The following DEPTOR variants were observed in gnomAD, a reference collection of about 807,000 sequenced individuals.
DEPTOR encodes DEP domain containing MTOR interacting protein, also known as DEP domain-containing mTOR-interacting protein.
In DEPTOR, 41 loss-of-function variants were observed where a neutral mutation model predicts 41.6. That is an observed-to-expected ratio of 0.98 (90% CI 0.77 to 1.28). The LOEUF is 1.28. DEPTOR is among the 50% of genes most tolerant of loss of function. The pLI is 0.00. For synonymous variants in DEPTOR, 195 were observed against 192.3 expected, an observed-to-expected ratio of 1.01 and a Z score of -0.12; for missense variants, 514 against 527.9, an observed-to-expected ratio of 0.97 and a Z score of 0.26.
chr8:120,042,180 G>T (rs1239541160), intron 8 of DEPTOR, among the ~76,000 whole-genome samples: 2 of 152,034 alleles, frequency 1.3e-5, no homozygotes, highest in African/African-American at 2.4e-5. Context: ...TCAAGTAGAA[G>T]GTAATAAGTT....
chr8:120,029,685 C>T lies in DEPTOR; in HGVS notation c.1102-19891C>T, dbSNP rs1345081710. Among the ~76,000 whole-genome samples the T allele has an allele frequency of 9.2e-5, 14 of 152,204 alleles. No individual in the cohort carries two copies. The South Asian group carries it at 1.2e-3, about 14-fold the overall frequency. On this transcript the variant is annotated intron_variant, in intron 8 of 8. Transcript: ENST00000286234. ...TGCTGGGATTACAGGCGTGAGCCACCGCACCCAGCCAAGTTTTAAAATATG... is the reference window on the plus strand; with the variant it reads ...TGCTGGGATTACAGGCGTGAGCCACTGCACCCAGCCAAGTTTTAAAATATG...
chr8:119,934,940 C>T (rs112352284), intron 3 of DEPTOR, among the ~76,000 whole-genome samples: 2,315 of 152,180 alleles, frequency 0.015, 62 homozygotes, highest in African/African-American at 0.053. Context: ...GGACAGGGCC[C>T]GCATCAGATA....
At chr8:119,943,426 T>G (rs1828229366) in intron 3 of DEPTOR, among the ~76,000 whole-genome samples, 1 of 152,058 alleles carries the variant, frequency 6.6e-6, no homozygotes. Flanking sequence ...AGAGAGATAG[T>G]AGGAGGAACT....
intron 8 of DEPTOR, among the ~76,000 whole-genome samples, chr8:120,023,934 C>CT (rs1812760751): frequency 6.6e-6 from 1 of 151,874 alleles, no homozygotes; most frequent in African/African-American, 2.4e-5. Context: ...GGGCACTGTC[C>CT]TTTTTTAAAA....
intron 4 of DEPTOR, among the ~76,000 whole-genome samples, chr8:119,998,740 T>A (rs990211287): frequency 2.6e-5 from 4 of 152,164 alleles, no homozygotes; most frequent in African/African-American, 9.7e-5. Context: ...CTAATAGTCA[T>A]ACATGAGCAG....
intron 4 of DEPTOR, among the ~76,000 whole-genome samples, chr8:119,992,498 A>G (rs1031207879): frequency 6.6e-6 from 1 of 152,124 alleles, no homozygotes; most frequent in East Asian, 1.9e-4. Context: ...TCCAGGGCAC[A>G]GTTGATGTCT....
At chr8:119,986,228 G>A (rs932268624) in intron 4 of DEPTOR, among the ~76,000 whole-genome samples, 1 of 152,066 alleles carries the variant, frequency 6.6e-6, no homozygotes, top group Non-Finnish European at 1.5e-5. Context: ...GCCTGGTGGT[G>A]ACAAAATCTC....
intron 3 of DEPTOR, among the ~76,000 whole-genome samples, chr8:119,950,980 G>A (rs1828344874): frequency 6.6e-6 from 1 of 152,072 alleles, no homozygotes. Context: ...GGCCAAGGTG[G>A]TAGGATTGCT....
At chr8:120,028,161 CT>C (rs1215582417) in intron 8 of DEPTOR, among the ~76,000 whole-genome samples, 4 of 150,572 alleles carry the variant, frequency 2.7e-5, no homozygotes, top group Non-Finnish European at 4.4e-5. Context: ...CTTTTTTTTT[CT>C]TTTTTTTCCT....
At chr8:119,974,697 A>T (rs1258477722) in intron 4 of DEPTOR, among the ~76,000 whole-genome samples, 1 of 152,030 alleles carries the variant, frequency 6.6e-6, no homozygotes. Flanking sequence ...GCTTGAGCTC[A>T]GCAGGCAGAG....
chr8:120,029,708 A>G (rs774280922), intron 8 of DEPTOR, among the ~76,000 whole-genome samples: 4 of 152,088 alleles, frequency 2.6e-5, no homozygotes, highest in Non-Finnish European at 5.9e-5. Flanking sequence ...GTTTTAAAAT[A>G]TGGATTTTTT....
chr8:120,042,611 C>A (rs1372869323), intron 8 of DEPTOR, among the ~76,000 whole-genome samples: 1 of 152,102 alleles, frequency 6.6e-6, no homozygotes, highest in Non-Finnish European at 1.5e-5. Flanking sequence ...TTCCGCCTCC[C>A]AGGTTCAAGC....
At chr8:120,043,599 T>C (rs1005457977) in intron 8 of DEPTOR, among the ~76,000 whole-genome samples, 12 of 152,232 alleles carry the variant, frequency 7.9e-5, no homozygotes, top group South Asian at 6.2e-4. Flanking sequence ...TTTTACTTTA[T>C]AAATTTGTTC....
At chr8:120,027,719 A>G (rs1410038007) in intron 8 of DEPTOR, among the ~76,000 whole-genome samples, 1 of 151,804 alleles carries the variant, frequency 6.6e-6, no homozygotes, top group Non-Finnish European at 1.5e-5. Flanking sequence ...AAAAAAAAAG[A>G]GTAAATTCTA....
chr8:120,033,138 A>G (rs1310284649), intron 8 of DEPTOR, among the ~76,000 whole-genome samples: 2 of 133,326 alleles, frequency 1.5e-5, no homozygotes, highest in Admixed American at 9.1e-5. Flanking sequence ...CCCAGGCTGG[A>G]GTGCAATGAT....
Position 119,991,104 on chromosome 8 carries a change from C to CTT in DEPTOR, c.605-10419_605-10418dup, listed in dbSNP as rs1386158084. Among the ~76,000 whole-genome samples the CTT allele has an allele frequency of 3.0e-3, 206 of 69,284 alleles. 2 individuals carry two copies. The highest frequency in any genetic ancestry group is 0.011 in the African/African-American group (195 of 17,184). The allele number at this position is 69,284 out of a possible 152,430, so 45.5% of individuals were successfully genotyped here. On this transcript the variant is annotated intron_variant, in intron 4 of 8. Coordinates refer to ENST00000286234, the MANE Select transcript of DEPTOR (RefSeq NM_022783.4). Reference sequence around the variant, plus strand: ...TTTCTTTCTTTTTCTTTCTTTCTTTCTTTCTTTCTTTCTTTTTTTTTTAAA... The same window carrying CTT: ...TTTCTTTCTTTTTCTTTCTTTCTTTCTTTTTCTTTCTTTCTTTTTTTTTTAAA...
intron 6 of DEPTOR, among the ~76,000 whole-genome samples, chr8:120,004,775 T>C (rs958708968): frequency 6.6e-6 from 1 of 152,078 alleles, no homozygotes; most frequent in Non-Finnish European, 1.5e-5. Flanking sequence ...TTACCCATAG[T>C]TTGACAAGCT....
At position 120,008,454 on chromosome 8, in the gene DEPTOR, G is replaced by A. The variant is rs984931583; in HGVS notation, c.997-575G>A. On this transcript the variant is annotated intron_variant, in intron 7 of 8. Transcript: ENST00000286234. ...TGAGGCAGGAGAATCGCTTGAACCC[G>A]GGAGGTGGGGTTGCAGTGAGCTGAG... Among the ~76,000 whole-genome samples, 3 of 151,542 alleles carry A rather than the reference G, an allele frequency of 2.0e-5. No homozygotes were observed. The East Asian group carries it at 5.8e-4, about 30-fold the overall frequency.
chr8:119,974,341 A>T (rs1031816385), intron 4 of DEPTOR, among the ~76,000 whole-genome samples: 1 of 150,656 alleles, frequency 6.6e-6, no homozygotes, highest in Non-Finnish European at 1.5e-5. Context: ...TTTACTTTTC[A>T]TGAGTTCTTA....
Sources: allele counts gnomAD v4.1 joint callset (sites outside exome capture counted in the v4.1 genomes callset), GRCh38; gene constraint gnomAD v4.1.1; transcripts MANE v1.5; gene names NCBI Gene and HGNC (gene_info 2026-07-23, HGNC 2026-07-21).